The following STAT4 variants were observed in gnomAD, a reference collection of about 807,000 sequenced individuals.
STAT4 encodes signal transducer and activator of transcription 4.
A neutral mutation model predicts 110.5 loss-of-function variants in STAT4; 42 were observed. The ratio of observed to expected loss-of-function variants is 0.38; its 90% confidence interval spans 0.30 to 0.49. The LOEUF is 0.49. Among genes scored for constraint, STAT4 ranks in the 20% least tolerant of loss-of-function variants. The pLI, the probability that STAT4 is intolerant of heterozygous loss-of-function variation, is 0.95. For missense variants in STAT4, 632 were observed against 887.9 expected, an observed-to-expected ratio of 0.71 and a Z score of 3.66; for synonymous variants, 284 against 302.2, an observed-to-expected ratio of 0.94 and a Z score of 0.63.
chr2:191,063,128 T>G (rs1430297992), intron 8 of STAT4, among the ~76,000 whole-genome samples: 1 of 152,178 alleles, frequency 6.6e-6, no homozygotes, highest in Non-Finnish European at 1.5e-5. Context: ...ATGTTAAATG[T>G]TTTCAATGTT....
chr2:191,115,962 T>G (rs1354700306), intron 3 of STAT4, among the ~76,000 whole-genome samples: 3 of 152,202 alleles, frequency 2.0e-5, no homozygotes, highest in Non-Finnish European at 2.9e-5. Flanking sequence ...GATACAACTA[T>G]ATCTATTCTA....
rs1697500677 is a variant in STAT4, at chr2:191,082,133, T to C, written c.274-5808A>G. 6.6e-6 allele frequency among the ~76,000 whole-genome samples: 1 copy of C among 152,184 alleles called. No homozygotes were observed. Among genetic ancestry groups the C allele is most frequent in the Non-Finnish European group, 1.5e-5 (1 of 68,032 alleles). Reference sequence around the variant, plus strand: ...TGTATGACAGGCAATCTTTTTTGCATTAATTTCAGTAACAAAATATAATAC... The same window carrying C: ...TGTATGACAGGCAATCTTTTTTGCACTAATTTCAGTAACAAAATATAATAC... On this transcript the variant is annotated intron_variant, in intron 3 of 23. Transcript: ENST00000392320. The surrounding 1 kb of genome is among the most constrained non-coding windows in gnomAD (Gnocchi z 4.7).
At chr2:191,151,392 G>A (rs1699586557), upstream of STAT4, 1 of 985,524 alleles carries the variant, frequency 1.0e-6, no homozygotes, top group Non-Finnish European at 1.2e-6. This position sits in a 1 kb window ranked among gnomAD's most constrained non-coding sequence, Gnocchi z 4.7. Context: ...TCAGCCTGGT[G>A]AACCACCCCT....
intron 3 of STAT4, among the ~76,000 whole-genome samples, chr2:191,115,965 C>G (rs1698559039): frequency 6.6e-6 from 1 of 152,166 alleles, no homozygotes; most frequent in Non-Finnish European, 1.5e-5. Flanking sequence ...ACAACTATAT[C>G]TATTCTACAT....
At chr2:191,148,825 G>C (rs1451184186) in intron 1 of STAT4, among the ~76,000 whole-genome samples, 1 of 152,214 alleles carries the variant, frequency 6.6e-6, no homozygotes, top group East Asian at 1.9e-4. Flanking sequence ...TTCTGAACCA[G>C]TGAATGTGTT....
rs1456604513 is a variant in STAT4 at position 191,140,873 on chromosome 2, G to A, written c.273+5740C>T. On this transcript the variant is annotated intron_variant, in intron 3 of 23. Coordinates refer to ENST00000392320, the MANE Select transcript of STAT4 (RefSeq NM_003151.4). The surrounding 1 kb of genome is among the most constrained non-coding windows in gnomAD (Gnocchi z 4.4). ...CAACCAATGAGTAGATAAAGAAAAT[G>A]TGGTATATATACACTATGGAATACT... 1.3e-5 allele frequency among the ~76,000 whole-genome samples: 2 copies of A among 152,128 alleles called. No homozygotes were observed. Among genetic ancestry groups the A allele is most frequent in the African/African-American group, 2.4e-5 (1 of 41,422 alleles).
rs139586412 is a variant in STAT4 at position 191,128,785 on chromosome 2, A to G, written c.273+17828T>C. On this transcript the variant is annotated intron_variant, in intron 3 of 23. Coordinates refer to ENST00000392320, the MANE Select transcript of STAT4 (RefSeq NM_003151.4). The stretch of plus-strand genomic sequence containing the variant: ...AAAATACTGTATAGGCAGTGAGATT[A>G]CTAACCACAGAGTTAACACCAAAAC... Among the ~76,000 whole-genome samples the G allele has an allele frequency of 6.5e-3, 997 of 152,360 alleles. 10 individuals are homozygous for G. Among genetic ancestry groups the G allele is most frequent in the African/African-American group, 0.023 (953 of 41,586 alleles).
rs1055502527 is a variant in STAT4, at chr2:191,144,429, A to AGT, written c.273+2182_273+2183dup. 5.3e-5 allele frequency among the ~76,000 whole-genome samples: 8 copies of AGT among 151,982 alleles called. No individual in the cohort carries two copies. Among genetic ancestry groups the AGT allele is most frequent in the African/African-American group, 1.9e-4 (8 of 41,356 alleles). ...CATGGACAAGGCTGAGTCATTCAAG[A>AGT]GTGTGTGTGACGTGTTCAGGAACAA... On this transcript the variant is annotated intron_variant, in intron 3 of 23. Transcript: ENST00000392320. This position sits in a 1 kb window ranked among gnomAD's most constrained non-coding sequence, Gnocchi z 4.7.
At chr2:191,069,869 A>G in intron 5 of STAT4, 98 bp from the exon 6 acceptor site, 5 of 861,524 alleles carry the variant, frequency 5.8e-6, no homozygotes, top group Non-Finnish European at 9.1e-6. Flanking sequence ...GGTGCTTCCA[A>G]TCTCCAACAG....
chr2:191,076,490 A>G (rs1007731151), intron 3 of STAT4, among the ~76,000 whole-genome samples, 165 bp from the exon 4 acceptor site: 6 of 152,182 alleles, frequency 3.9e-5, no homozygotes, highest in Middle Eastern at 3.2e-3. Context: ...AGAGAAACTC[A>G]TACTGTAAAC....
rs1018767049 is a variant in STAT4 at position 191,090,377 on chromosome 2, CTCA to C, written c.274-14055_274-14053del. On this transcript the variant is annotated intron_variant, in intron 3 of 23. Coordinates refer to ENST00000392320, the MANE Select transcript of STAT4 (RefSeq NM_003151.4). This position sits in a 1 kb window ranked among gnomAD's most constrained non-coding sequence, Gnocchi z 4.2. ...TCACTCAAAGTTAGCTTTAAATTCTCTCATCGTCGCAAAGGTTTTCTTGATAAA... is the reference window on the plus strand; with the variant it reads ...TCACTCAAAGTTAGCTTTAAATTCTCTCGTCGCAAAGGTTTTCTTGATAAA... Among the ~76,000 whole-genome samples, 1 of 152,054 alleles carries C rather than the reference CTCA, an allele frequency of 6.6e-6. No individual in the cohort carries two copies.
intron 3 of STAT4, among the ~76,000 whole-genome samples, chr2:191,132,900 G>A (rs544052903): frequency 2.6e-5 from 4 of 151,328 alleles, no homozygotes; most frequent in South Asian, 2.1e-4. Context: ...GACTGCAGGC[G>A]CCCGCCACCA....
chr2:191,050,517 T>C lies in STAT4; in HGVS notation c.1251+3973A>G, dbSNP rs548879442. On this transcript the variant is annotated intron_variant, in intron 14 of 23. Coordinates refer to ENST00000392320, the MANE Select transcript of STAT4 (RefSeq NM_003151.4). The surrounding 1 kb of genome is among the most constrained non-coding windows in gnomAD (Gnocchi z 4.3). ...TTAAAAATCTAAAGCTCCTACCCTA[T>C]GTTGCACTTCTGAGGATTAAAGAAT... 6.6e-6 allele frequency among the ~76,000 whole-genome samples: 1 copy of C among 152,278 alleles called. No homozygotes were observed. The highest frequency in any genetic ancestry group is 1.9e-4 in the East Asian group (1 of 5,186).
rs1320939483 is a variant in STAT4, at chr2:191,054,141, AAAG to A, written c.1251+346_1251+348del. On this transcript the variant is annotated intron_variant, in intron 14 of 23. Transcript: ENST00000392320. ...AGACCCTTCTCAAAAAAAAAAAAAA[AAAG>A]AAAGAAAAAAAAGATACATTGCTAT... Among the ~76,000 whole-genome samples, 1,267 of 146,886 alleles carry A rather than the reference AAAG, an allele frequency of 8.6e-3. 19 individuals carry two copies. The highest frequency in any genetic ancestry group is 0.029 in the African/African-American group (1,158 of 39,660).
At position 191,041,154 on chromosome 2, in the gene STAT4, G is replaced by T. The variant is rs1559040294; in HGVS notation, c.1252-6C>A. 1 of 1,410,954 alleles carries T rather than the reference G, an allele frequency of 7.1e-7. No individual in the cohort carries two copies. The highest frequency in any genetic ancestry group is 2.5e-5 in the Admixed American group (1 of 40,566). The allele number at this position is 1,410,954 out of a possible 1,614,324, so 87.4% of individuals were successfully genotyped here. On this transcript the variant is annotated splice_polypyrimidine_tract_variant and splice_region_variant and intron_variant, in intron 14 of 23. Transcript: ENST00000392320. ...TCAGTCACCATGTGACAGCCCTAAG[G>T]AAGAGAGAAATAAATTGTTACCTCA...
Position 191,035,865 on chromosome 2 carries a change from G to T in STAT4, c.1570+299C>A, listed in dbSNP as rs1348169021. Reference sequence around the variant, plus strand: ...TAGACAAGGAGGGGCTTTAGACCTGGACAGGTCTGGCCTGTGGCTTGGTGC... The same window carrying T: ...TAGACAAGGAGGGGCTTTAGACCTGTACAGGTCTGGCCTGTGGCTTGGTGC... On this transcript the variant is annotated intron_variant, in intron 17 of 23. Coordinates refer to ENST00000392320, the MANE Select transcript of STAT4 (RefSeq NM_003151.4). This position sits in a 1 kb window ranked among gnomAD's most constrained non-coding sequence, Gnocchi z 4.7. Among the ~76,000 whole-genome samples, 19 of 152,150 alleles carry T rather than the reference G, an allele frequency of 1.2e-4. No individual in the cohort carries two copies. Among genetic ancestry groups the T allele is most frequent in the Admixed American group, 1.2e-3 (18 of 15,270 alleles).
At chr2:191,048,536 G>A (rs903776473) in intron 14 of STAT4, among the ~76,000 whole-genome samples, 9 of 151,838 alleles carry the variant, frequency 5.9e-5, no homozygotes, top group African/African-American at 2.2e-4. Context: ...AGCACTTTGG[G>A]AGGTTGAGGT....
intron 3 of STAT4, among the ~76,000 whole-genome samples, chr2:191,092,127 C>T (rs748215569): frequency 4.6e-5 from 7 of 152,078 alleles, no homozygotes; most frequent in African/African-American, 1.2e-4. Flanking sequence ...TGTAGAAGCC[C>T]GGGCGCTGTG....
chr2:191,057,692 G>A (rs1307607652), intron 13 of STAT4, among the ~76,000 whole-genome samples: 2 of 149,792 alleles, frequency 1.3e-5, no homozygotes, highest in Admixed American at 6.7e-5. Context: ...TCCGTCTGCC[G>A]GGTTCAAGTG....
Sources: gnomAD v4.1 joint callset for allele counts (sites outside exome capture counted in the v4.1 genomes callset) on GRCh38, gnomAD v4.1.1 for gene constraint, Gnocchi (gnomAD v3.1) non-coding constraint, MANE v1.5 for transcripts, NCBI Gene and HGNC (gene_info 2026-07-23, HGNC 2026-07-21) for gene names.